Variants in PDXDC1 observed in about 807,000 individuals in gnomAD.
The protein encoded by PDXDC1 is pyridoxal-dependent decarboxylase domain-containing protein 1.
Under a neutral mutation model 100.1 loss-of-function variants are expected in PDXDC1, and 42 were observed. The ratio of observed to expected loss-of-function variants is 0.42; its 90% CI spans 0.33 to 0.54. PDXDC1 has a LOEUF of 0.54. Among genes scored for constraint, PDXDC1 ranks in the 20% least tolerant of loss-of-function variants. The probability of loss-of-function intolerance (pLI) is 0.10; values close to 1 mark genes in which losing one functional copy is unlikely to be tolerated. For missense variants in PDXDC1, 636 were observed against 979.2 expected, an observed-to-expected ratio of 0.65 and a Z score of 4.68; for synonymous variants, 260 against 371.7, an observed-to-expected ratio of 0.70 and a Z score of 3.46.
intron 1 of PDXDC1, among the ~76,000 whole-genome samples, chr16:14,980,437 C>G (rs1303037677): frequency 6.6e-6 from 1 of 152,266 alleles, no homozygotes; most frequent in African/African-American, 2.4e-5. Flanking sequence ...CTCAGCTTCC[C>G]GAGTAGATGG....
At chr16:15,076,677 A>T (rs1472258601) in intron 16 of PDXDC1, 2 of 1,469,240 alleles carry the variant, frequency 1.4e-6, no homozygotes, top group Non-Finnish European at 1.9e-6. Flanking sequence ...AAAAAAAAGA[A>T]TAAAAGGATT....
At chr16:15,026,995 A>C (rs1205069033) in intron 14 of PDXDC1, among the ~76,000 whole-genome samples, 2 of 151,818 alleles carry the variant, frequency 1.3e-5, no homozygotes, top group Non-Finnish European at 2.9e-5. Flanking sequence ...CTTACTTCCC[A>C]CATATTTTGA....
chr16:15,128,192 G>T, intron 16 of PDXDC1: 1 of 1,610,708 alleles, frequency 6.2e-7, no homozygotes, highest in South Asian at 1.1e-5. Flanking sequence ...CGGGGGCAGA[G>T]GGGCAGAGCT....
intron 1 of PDXDC1, among the ~76,000 whole-genome samples, chr16:14,978,052 T>C (rs1967091552): frequency 6.6e-6 from 1 of 151,878 alleles, no homozygotes; most frequent in South Asian, 2.1e-4. Context: ...TTTTCTGTTA[T>C]GTAAACGTGC....
rs1178556070 is a variant in PDXDC1, at chr16:15,022,742, C to T, written c.1128C>T (p.Tyr376=). ...RLQESLKKVN[Y]IKILVEDELS... is the part of the protein sequence containing the mutation. ...AGGAAAGTTTGAAGAAAGTGAATTA[C>T]ATCAAAATCTTGGTATAGTATATAA... Residue 376 remains tyrosine, a synonymous_variant, in exon 13 of 23, where the codon TAC becomes TAT. Coordinates refer to ENST00000396410, the MANE Select transcript of PDXDC1 (RefSeq NM_015027.4). The T allele has an allele frequency of 6.2e-7, 1 of 1,611,838 alleles. No homozygotes were observed. The highest frequency in any genetic ancestry group is 2.2e-5 in the East Asian group (1 of 44,726).
chr16:15,034,591 T>C (rs1210123027), intron 21 of PDXDC1, 38 bp downstream of exon 21: 2 of 1,499,834 alleles, frequency 1.3e-6, no homozygotes, highest in Admixed American at 1.7e-5. Flanking sequence ...CTTGCTGACC[T>C]TGGGAGGTTT....
At chr16:15,003,777 G>C (rs1019010469) in intron 4 of PDXDC1, among the ~76,000 whole-genome samples, 1 of 152,202 alleles carries the variant, frequency 6.6e-6, no homozygotes, top group Non-Finnish European at 1.5e-5. Flanking sequence ...GAAGTCAGGA[G>C]TTCAAGAGCA....
At chr16:15,023,501 A>G (rs1445186302) in intron 13 of PDXDC1, among the ~76,000 whole-genome samples, 8 of 152,288 alleles carry the variant, frequency 5.3e-5, no homozygotes, top group Non-Finnish European at 1.0e-4. Flanking sequence ...TTTGGTTTAA[A>G]TACAAAAAGT....
intron 16 of PDXDC1, among the ~76,000 whole-genome samples, chr16:15,096,585 A>G (rs909917788): frequency 2.0e-5 from 3 of 152,258 alleles, no homozygotes; most frequent in Non-Finnish European, 4.4e-5. Context: ...ATACTTCAAG[A>G]TAACTGTTTA....
chr16:15,032,977 T>G lies in PDXDC1; in HGVS notation c.1688T>G (p.Ile563Arg). ...NELESDLTFK[I>R]GPEYKSMKSC... The stretch of plus-strand genomic sequence containing the variant: ...CTGGAATCTGACCTAACCTTTAAAA[T>G]AGGTAACTGCTTACTTTGTAAGTCA... Residue 563 changes from isoleucine (I) to arginine (R), a missense_variant and splice_region_variant, in exon 18 of 23, where the codon ATA becomes AGA. Coordinates refer to ENST00000396410, the MANE Select transcript of PDXDC1 (RefSeq NM_015027.4). The G allele has an allele frequency of 6.6e-7, 1 of 1,519,900 alleles. No individual in the cohort carries two copies. The highest frequency in any genetic ancestry group is 9.1e-7 in the Non-Finnish European group (1 of 1,093,812). 94.2% of individuals were successfully genotyped at this position (1,519,900 alleles called of 1,614,324 possible). A position where few individuals can be genotyped will look rare whatever the true frequency, so the allele number is the denominator to read the frequency against.
chr16:15,066,327 G>A (rs566856860), intron 16 of PDXDC1, among the ~76,000 whole-genome samples: 1 of 152,238 alleles, frequency 6.6e-6, no homozygotes, highest in Admixed American at 6.5e-5. Flanking sequence ...GAATGTTCCT[G>A]AGCACTAAAA....
chr16:15,084,059 C>T (rs1198553742), intron 16 of PDXDC1, among the ~76,000 whole-genome samples: 13 of 152,178 alleles, frequency 8.5e-5, no homozygotes, highest in Admixed American at 7.9e-4. Flanking sequence ...AAATCTATAA[C>T]GACTTAGAGA....
Position 15,080,213 on chromosome 16 carries a change from G to A in PDXDC1, c.1399+50157G>A, listed in dbSNP as rs1276901589. The A allele has an allele frequency of 3.9e-6, 5 of 1,292,796 alleles. No individual in the cohort carries two copies. The East Asian group carries it at 8.0e-5, about 21-fold the overall frequency. 80.1% of individuals were successfully genotyped at this position (1,292,796 alleles called of 1,614,324 possible). Reference sequence around the variant, plus strand: ...TCAAATATTTAAAAAGAAAAAAACAGACTATCCAGCAATACAAAAACTATA... The same window carrying A: ...TCAAATATTTAAAAAGAAAAAAACAAACTATCCAGCAATACAAAAACTATA... On this transcript the variant is annotated intron_variant, in intron 16 of 16. Transcript: ENST00000535621.
intron 19 of PDXDC1, 189 bp from the exon 20 acceptor site, chr16:15,034,097 G>T: frequency 3.3e-6 from 2 of 597,790 alleles, no homozygotes; most frequent in South Asian, 4.1e-5. Context: ...TCACCAAGGT[G>T]TGTCTGCCTA....
At chr16:15,133,729 C>T (rs1028765509) in intron 16 of PDXDC1, 99 of 1,603,834 alleles carry the variant, frequency 6.2e-5, no homozygotes, top group Middle Eastern at 2.3e-4. Context: ...CATGGCATCA[C>T]GGGAGGGCTC....
rs977207894 is a variant in PDXDC1, at chr16:15,136,094, G to C, written c.1400-2785G>C. 354 of 1,581,382 alleles carry C rather than the reference G, an allele frequency of 2.2e-4. 1 individual carries two copies. Among genetic ancestry groups the C allele is most frequent in the Middle Eastern group, 6.8e-4 (3 of 4,402 alleles). ...TGCGGCGCTGGGCCCACCTCCACCC[G>C]CTGCACAGTCGAGAAGCCGATCCAC... On this transcript the variant is annotated intron_variant, in intron 16 of 16. Coordinates refer to the PDXDC1 transcript ENST00000535621.
In PDXDC1 at chr16:15,094,098, C is replaced by T; in HGVS notation, c.1400-44781C>T. 5.9e-6 allele frequency: 9 copies of T among 1,520,432 alleles called. 1 individual carries two copies. The highest frequency in any genetic ancestry group is 2.4e-5 in the East Asian group (1 of 42,132). 94.2% of individuals were successfully genotyped at this position (1,520,432 alleles called of 1,614,324 possible). Reference sequence around the variant, plus strand: ...TCAATCCGCTCCTCTAAGCGCCGTCCTGAGCTTTCGTCCCAGATACGCAGA... The same window carrying T: ...TCAATCCGCTCCTCTAAGCGCCGTCTTGAGCTTTCGTCCCAGATACGCAGA... On this transcript the variant is annotated intron_variant, in intron 16 of 16. Coordinates refer to the PDXDC1 transcript ENST00000535621.
chr16:15,034,676 G>A, intron 21 of PDXDC1, 123 bp downstream of exon 21: 3 of 751,818 alleles, frequency 4.0e-6, no homozygotes, highest in East Asian at 2.5e-5. Flanking sequence ...CACTGGGTGT[G>A]GGCCGGACAT....
At chr16:14,986,250 AT>A (rs1969346900) in intron 1 of PDXDC1, among the ~76,000 whole-genome samples, 1 of 152,308 alleles carries the variant, frequency 6.6e-6, no homozygotes, top group South Asian at 2.1e-4. Flanking sequence ...AGGCAGGCAG[AT>A]TATCTGAGGG....
Sources: gnomAD v4.1 joint callset for allele counts (sites outside exome capture counted in the v4.1 genomes callset) on GRCh38, gnomAD v4.1.1 for gene constraint, MANE v1.5 for transcripts, NCBI Gene and HGNC (gene_info 2026-07-23, HGNC 2026-07-21) for gene names.